FER: variants seen among roughly 807,000 people sequenced by gnomAD.
FER encodes the protein tyrosine-protein kinase Fer.
Under a neutral mutation model 111.0 loss-of-function variants are expected in FER, and 63 were observed. The ratio of observed to expected loss-of-function variants is 0.57; its 90% CI spans 0.46 to 0.70. The LOEUF (loss-of-function observed/expected upper bound fraction) is 0.70. Among genes scored for constraint, FER ranks in the 30% least tolerant of loss-of-function variants. The pLI, the probability that FER is intolerant of heterozygous loss-of-function variation, is 0.00. For missense variants in FER, 914 were observed against 954.0 expected (o/e 0.96, Z 0.55); for synonymous variants, 327 against 313.9 (o/e 1.04, Z -0.44).
At chr5:109,168,970 A>G (rs1324864871) in intron 17 of FER, among the ~76,000 whole-genome samples, 1 of 152,202 alleles carries the variant, frequency 6.6e-6, no homozygotes, top group East Asian at 1.9e-4. Context: ...AGACACTTTT[A>G]TGTAACTGTG....
At chr5:108,757,216 A>T (rs1751215647) in intron 1 of FER, among the ~76,000 whole-genome samples, 1 of 152,184 alleles carries the variant, frequency 6.6e-6, no homozygotes, top group Non-Finnish European at 1.5e-5. Flanking sequence ...ATGTTGAAAT[A>T]TTTGCAGTTT....
chr5:109,097,866 T>C (rs966568183), intron 16 of FER, among the ~76,000 whole-genome samples: 15 of 151,830 alleles, frequency 9.9e-5, no homozygotes, highest in African/African-American at 2.9e-4. Flanking sequence ...TTAATTTTTA[T>C]TGAGGTCCTT....
chr5:108,803,536 A>G (rs1756894689), intron 3 of FER, among the ~76,000 whole-genome samples: 1 of 152,160 alleles, frequency 6.6e-6, no homozygotes, highest in African/African-American at 2.4e-5. Context: ...GACAAGTTTC[A>G]TTCTTCTGCA....
At chr5:108,807,092 C>G (rs1213928783) in intron 3 of FER, among the ~76,000 whole-genome samples, 3 of 152,140 alleles carry the variant, frequency 2.0e-5, no homozygotes, top group Admixed American at 1.3e-4. Context: ...CTGTGCTGTT[C>G]TCATGTTAGT....
At chr5:108,900,931 C>T (rs1279655984) in intron 10 of FER, among the ~76,000 whole-genome samples, 2 of 152,148 alleles carry the variant, frequency 1.3e-5, no homozygotes, top group African/African-American at 4.8e-5. Context: ...CTCTCCAAAA[C>T]TCATGTGGAA....
intron 19 of FER, 148 bp from the exon 20 acceptor site, chr5:109,187,285 A>C: frequency 1.4e-6 from 1 of 730,656 alleles, no homozygotes; most frequent in Non-Finnish European, 2.2e-6. Context: ...GTAGAAAATA[A>C]AAACTCAGCC....
chr5:108,946,843 AAC>A (rs1757054306), intron 11 of FER, among the ~76,000 whole-genome samples: 1 of 151,872 alleles, frequency 6.6e-6, no homozygotes, highest in Admixed American at 6.6e-5. Context: ...TTCCCCCTCA[AAC>A]ACACAGGCAC....
At chr5:108,919,346 C>T (rs73780769) in intron 10 of FER, among the ~76,000 whole-genome samples, 8,518 of 151,526 alleles carry the variant, frequency 0.056, 554 homozygotes, top group African/African-American at 0.15. Flanking sequence ...GTAAAGAGTA[C>T]AGAAAATTTA....
At chr5:108,871,259 C>T (rs1764572045) in intron 6 of FER, 106 bp from the exon 7 acceptor site, 6 of 868,462 alleles carry the variant, frequency 6.9e-6, no homozygotes, top group Admixed American at 2.6e-5. Context: ...ACCATCTGTA[C>T]ATTTCAACAT....
In FER at chr5:108,883,475, A is replaced by G. The variant is rs1765873993; in HGVS notation, c.1003A>G (p.Lys335Glu). 2 of 1,608,200 alleles carry G rather than the reference A, an allele frequency of 1.2e-6. No individual in the cohort carries two copies. Among genetic ancestry groups the G allele is most frequent in the Non-Finnish European group, 1.7e-6 (2 of 1,176,256 alleles). The change falls in exon 9 of 20, where the codon AAG (lysine) becomes GAG (glutamate). Residue 335 changes from lysine (K) to glutamate (E), a missense_variant. Transcript: ENST00000281092. The part of the protein sequence containing the change: ...NKEEAVLELE[K>E]RIEESSETCE... Reference sequence around the variant, plus strand: ...GGAGGAGGCTGTTTTGGAGTTAGAGAAGAGAATTGAAGAATCTTCTGAAAC... The same window carrying G: ...GGAGGAGGCTGTTTTGGAGTTAGAGGAGAGAATTGAAGAATCTTCTGAAAC...
intron 18 of FER, 25 bp from the exon 19 acceptor site, chr5:109,186,175 G>GTTAT (rs774155387): frequency 1.9e-5 from 30 of 1,613,930 alleles, no homozygotes; most frequent in Non-Finnish European, 2.5e-5. Flanking sequence ...GCCTCATGTG[G>GTTAT]TTATGGTTGT....
chr5:108,987,820 C>A (rs1762744274), intron 13 of FER, among the ~76,000 whole-genome samples: 1 of 152,088 alleles, frequency 6.6e-6, no homozygotes, highest in Admixed American at 6.6e-5. Context: ...GCTAGGACTT[C>A]CAGTACTATG....
At chr5:109,114,697 A>G (rs1750022364) in intron 17 of FER, among the ~76,000 whole-genome samples, 1 of 152,134 alleles carries the variant, frequency 6.6e-6, no homozygotes, top group Non-Finnish European at 1.5e-5. Flanking sequence ...TTACCAAAAA[A>G]ATAAAGCAGA....
At chr5:108,822,758 A>AT (rs1238479673) in intron 3 of FER, among the ~76,000 whole-genome samples, 3 of 109,986 alleles carry the variant, frequency 2.7e-5, no homozygotes, top group Middle Eastern at 3.8e-3. Flanking sequence ...ATTTTATTTT[A>AT]TTTTATTTAT....
At chr5:108,899,353 C>A (rs1217817851) in intron 10 of FER, among the ~76,000 whole-genome samples, 1 of 152,072 alleles carries the variant, frequency 6.6e-6, no homozygotes, top group Non-Finnish European at 1.5e-5. Flanking sequence ...CTTCATGATT[C>A]TTGATAAGTA....
Position 109,190,070 on chromosome 5 carries a change from T to TA in FER, c.*2496dup, listed in dbSNP as rs1049155154. 15 of 151,624 alleles carry TA rather than the reference T, an allele frequency of 9.9e-5. No homozygotes were observed. Among genetic ancestry groups the TA allele is most frequent in the Admixed American group, 2.6e-4 (4 of 15,222 alleles). The allele number at this position is 151,624 out of a possible 1,614,324, so 9.4% of individuals were successfully genotyped here. ...ATAGTCACATGCATTAAGAAAAACT[T>TA]ACGCAAACAGTTTTTCACTGTTAAT... On this transcript the variant is annotated 3_prime_UTR_variant, in exon 20 of 20. Transcript: ENST00000281092.
chr5:108,877,755 G>T (rs1037688181), intron 8 of FER, among the ~76,000 whole-genome samples: 3 of 152,104 alleles, frequency 2.0e-5, no homozygotes, highest in Non-Finnish European at 4.4e-5. Flanking sequence ...AGTTAAGATG[G>T]TTTGTCAAGT....
intron 17 of FER, among the ~76,000 whole-genome samples, chr5:109,170,803 A>G (rs1757021797): frequency 6.6e-6 from 1 of 152,140 alleles, no homozygotes; most frequent in Non-Finnish European, 1.5e-5. Context: ...TTAGCTGCTG[A>G]CACCCACTGT....
At chr5:108,911,366 T>G (rs1371313652) in intron 10 of FER, among the ~76,000 whole-genome samples, 1 of 152,192 alleles carries the variant, frequency 6.6e-6, no homozygotes, top group African/African-American at 2.4e-5. Context: ...TTCTGGATAT[T>G]AGTACTTTGT....
Sources: gnomAD v4.1 joint callset for allele counts (sites outside exome capture counted in the v4.1 genomes callset) on GRCh38, gnomAD v4.1.1 for gene constraint, MANE v1.5 for transcripts, NCBI Gene and HGNC (gene_info 2026-07-23, HGNC 2026-07-21) for gene names.